The following TPRA1 variants were observed in gnomAD, a reference collection of about 807,000 sequenced individuals.
TPRA1 encodes transmembrane protein adipocyte-associated 1.
In TPRA1, 28 loss-of-function variants were observed where a neutral mutation model predicts 40.1. The ratio of observed to expected loss-of-function variants is 0.70; its 90% confidence interval spans 0.52 to 0.96. TPRA1 has a LOEUF of 0.96. Among genes scored for constraint, TPRA1 ranks in the 40% least tolerant of loss-of-function variants. The pLI, the probability that TPRA1 is intolerant of heterozygous loss-of-function variation, is 0.00. For synonymous variants in TPRA1, 219 were observed against 209.7 expected (o/e 1.04, Z -0.38); for missense variants, 441 against 482.6 (o/e 0.91, Z 0.81).
Position 127,576,165 on chromosome 3 carries a change from TG to T in TPRA1, c.499-116del. 1 of 814,308 alleles carries T rather than the reference TG, an allele frequency of 1.2e-6. No individual in the cohort carries two copies. Among genetic ancestry groups the T allele is most frequent in the Non-Finnish European group, 2.0e-6 (1 of 495,122 alleles). 50.4% of individuals were successfully genotyped at this position (814,308 alleles called of 1,614,324 possible). ...CTCCACCACACCAAGTTCAGCCTCT[TG>T]GCCTGACCCTCAACTCACCTGCCCC... On this transcript the variant is annotated intron_variant, in intron 6 of 10. Coordinates refer to ENST00000355552, the MANE Select transcript of TPRA1 (RefSeq NM_001136053.4). The surrounding 1 kb of genome is among the most constrained non-coding windows in gnomAD (Gnocchi z 4.6).
chr3:127,591,632 C>G (rs2074171796), upstream of TPRA1, among the ~76,000 whole-genome samples: 1 of 152,234 alleles, frequency 6.6e-6, no homozygotes, highest in African/African-American at 2.4e-5. Flanking sequence ...ATCATGTCCT[C>G]TAGAGGGTTT....
rs1026303836 is a variant in TPRA1 at position 127,580,043 on chromosome 3, T to C, written c.104A>G (p.Tyr35Cys). Reference sequence around the variant, plus strand: ...TCACCTGGAGGTGCCAATGTCTTCGTAGAGCAGCAGCAGGCAGCGATGAGG... The same window carrying C: ...TCACCTGGAGGTGCCAATGTCTTCGCAGAGCAGCAGCAGGCAGCGATGAGG... ...SVPHRCLLLL[Y>C]EDIGTSRVRY... Residue 35 changes from tyrosine (Y) to cysteine (C), a missense_variant, in exon 2 of 11, where the codon TAC becomes TGC. Tyr to Cys is a radical substitution (Grantham distance 194). Transcript: ENST00000355552. The C allele has an allele frequency of 1.9e-6, 3 of 1,613,850 alleles. No homozygotes were observed. The highest frequency in any genetic ancestry group is 1.1e-5 in the South Asian group (1 of 91,088).
chr3:127,575,793 AC>A lies in TPRA1; in HGVS notation c.625del (p.Val209SerfsTer8), dbSNP rs933293765. 3 of 1,613,764 alleles carry A rather than the reference AC, an allele frequency of 1.9e-6. No homozygotes were observed. The highest frequency in any genetic ancestry group is 2.7e-5 in the African/African-American group (2 of 74,930). ...CFFFLVYSLV[V>X]ILPKTPLKER... ...CTTCAGCGGGGTCTTGGGAAGGATGACCACCAGAGAGTAGACCTACAGAGAC... is the reference window on the plus strand; with the variant it reads ...CTTCAGCGGGGTCTTGGGAAGGATGACACCAGAGAGTAGACCTACAGAGAC... On this transcript the variant is annotated frameshift_variant, in exon 8 of 11. Transcript: ENST00000355552. LOFTEE classifies it high-confidence loss of function.
intron 1 of TPRA1, among the ~76,000 whole-genome samples, chr3:127,580,963 A>C (rs2073813223): frequency 6.6e-6 from 1 of 152,234 alleles, no homozygotes; most frequent in African/African-American, 2.4e-5. Flanking sequence ...CCAGAGGTCC[A>C]CATGACACTC....
rs775238414 is a variant in TPRA1, at chr3:127,579,892, G to T, written c.126-20C>A. On this transcript the variant is annotated intron_variant, in intron 2 of 10. Coordinates refer to ENST00000355552, the MANE Select transcript of TPRA1 (RefSeq NM_001136053.4). Reference sequence around the variant, plus strand: ...CGGACCCTGGCGGATGGGCACAGGAGCTGGCTCACTGGCGAGGCCACATAT... The same window carrying T: ...CGGACCCTGGCGGATGGGCACAGGATCTGGCTCACTGGCGAGGCCACATAT... 9 of 1,612,654 alleles carry T rather than the reference G, an allele frequency of 5.6e-6. No individual in the cohort carries two copies. The highest frequency in any genetic ancestry group is 3.3e-4 in the Middle Eastern group (2 of 6,056).
intron 3 of TPRA1, 51 bp from the exon 4 acceptor site, chr3:127,577,127 C>T (rs368692603): frequency 6.6e-5 from 104 of 1,576,956 alleles, no homozygotes; most frequent in South Asian, 3.9e-4. Flanking sequence ...GCCTCTGCAT[C>T]GGCAGGGGCA....
At position 127,576,826 on chromosome 3, in the gene TPRA1, G is replaced by T. The variant is rs2073649511; in HGVS notation, c.413C>A (p.Ala138Asp). ...IELSVIILGL[A>D]FGHLESKSSI... ...GAGCCCAGCGGTACACACACCAAAG[G>T]CCAGGCCCAGGATGATCACACTCAG... The change falls in exon 5 of 11, where the codon GCC becomes GAC. Residue 138 changes from alanine (A) to aspartate (D), a missense_variant. Transcript: ENST00000355552. This position sits in a 1 kb window ranked among gnomAD's most constrained non-coding sequence, Gnocchi z 4.6. The T allele has an allele frequency of 1.9e-6, 3 of 1,613,680 alleles. No individual in the cohort carries two copies. The highest frequency in any genetic ancestry group is 2.5e-6 in the Non-Finnish European group (3 of 1,180,020).
chr3:127,581,191 G>A (rs2073819673), intron 1 of TPRA1, among the ~76,000 whole-genome samples: 1 of 152,230 alleles, frequency 6.6e-6, no homozygotes, highest in Non-Finnish European at 1.5e-5. Flanking sequence ...CCAACATTTA[G>A]AATGATTTGA....
intron 1 of TPRA1, among the ~76,000 whole-genome samples, chr3:127,586,760 G>A (rs950378524): frequency 6.6e-6 from 1 of 152,214 alleles, no homozygotes. Flanking sequence ...GCAGCCCCAA[G>A]ACGGGCAGGG....
chr3:127,573,890 A>G, intron 10 of TPRA1, 102 bp from the exon 11 acceptor site: 1 of 1,415,458 alleles, frequency 7.1e-7, no homozygotes, highest in Non-Finnish European at 9.4e-7. Flanking sequence ...GGAATTGACC[A>G]ACAGTCGCCT....
chr3:127,575,643 C>T, intron 8 of TPRA1, 106 bp downstream of exon 8: 1 of 1,521,358 alleles, frequency 6.6e-7, no homozygotes, highest in Middle Eastern at 2.2e-4. Flanking sequence ...TCTCCAGCTC[C>T]CAGCCTGGAA....
upstream of TPRA1, among the ~76,000 whole-genome samples, chr3:127,591,516 C>G (rs953013293): frequency 3.3e-5 from 5 of 152,184 alleles, no homozygotes; most frequent in African/African-American, 1.2e-4. Context: ...GCTGCATTCA[C>G]CATACTCAAG....
At chr3:127,579,987 C>T in intron 2 of TPRA1, 35 bp downstream of exon 2, 2 of 1,612,072 alleles carry the variant, frequency 1.2e-6, no homozygotes, top group Non-Finnish European at 1.7e-6. Flanking sequence ...GCCACTGACA[C>T]TCAGCGAGCC....
upstream of TPRA1, among the ~76,000 whole-genome samples, chr3:127,593,816 C>A (rs879815998): frequency 2.6e-5 from 4 of 152,218 alleles, no homozygotes; most frequent in African/African-American, 9.7e-5. Context: ...ATCAGCACGG[C>A]CCCCGCTTCT....
intron 3 of TPRA1, among the ~76,000 whole-genome samples, chr3:127,578,273 T>C (rs959982116): frequency 3.9e-5 from 6 of 152,230 alleles, no homozygotes; most frequent in Non-Finnish European, 4.4e-5. Context: ...GCTGCAGCTA[T>C]GCAGACGACT....
chr3:127,584,163 G>A (rs1243164444), intron 1 of TPRA1, among the ~76,000 whole-genome samples: 1 of 149,372 alleles, frequency 6.7e-6, no homozygotes, highest in Non-Finnish European at 1.5e-5. Flanking sequence ...AACTTGACAG[G>A]GCACAGTGGC....
intron 1 of TPRA1, among the ~76,000 whole-genome samples, chr3:127,597,638 C>T (rs1219674677): frequency 1.3e-5 from 2 of 152,166 alleles, no homozygotes; most frequent in African/African-American, 2.4e-5. Flanking sequence ...CCTGCGTCTT[C>T]GCTCCCCTGG....
In TPRA1 at chr3:127,580,011, G is replaced by A. The variant is rs368325437; in HGVS notation, c.125+11C>T. On this transcript the variant is annotated intron_variant, in intron 2 of 10. Transcript: ENST00000355552. ...ACTCAGCGAGCCTGCCCAGCGTTGTGACTGCCTCACCTGGAGGTGCCAATG... is the reference window on the plus strand; with the variant it reads ...ACTCAGCGAGCCTGCCCAGCGTTGTAACTGCCTCACCTGGAGGTGCCAATG... 5.8e-5 allele frequency: 94 copies of A among 1,613,074 alleles called. No individual in the cohort carries two copies. The highest frequency in any genetic ancestry group is 7.7e-5 in the Non-Finnish European group (91 of 1,180,012).
chr3:127,587,278 G>A (rs772229122), intron 1 of TPRA1: 3 of 152,168 alleles, frequency 2.0e-5, no homozygotes, highest in Admixed American at 6.5e-5. Context: ...GAGTAAAGCC[G>A]ACGCGGAGGA....
Sources: allele counts gnomAD v4.1 joint callset (sites outside exome capture counted in the v4.1 genomes callset), GRCh38; gene constraint gnomAD v4.1.1; non-coding constraint Gnocchi (gnomAD v3.1); transcripts MANE v1.5; gene names NCBI Gene and HGNC (gene_info 2026-07-23, HGNC 2026-07-21).